TRPM1: variants seen among roughly 807,000 people sequenced by gnomAD.
TRPM1 encodes TRPM1-203 APA Isoform, Intron 10.
TRPM1 carries 113 observed loss-of-function variants against 149.4 expected under a neutral mutation model. The observed-to-expected ratio is 0.76, with a 90% CI of 0.65 to 0.88. The LOEUF is 0.88. Among genes scored for constraint, TRPM1 ranks in the 40% least tolerant of loss-of-function variants. TRPM1 has a pLI of 0.00. For synonymous variants in TRPM1, 741 were observed against 759.5 expected, an observed-to-expected ratio of 0.98 and a Z score of 0.40; for missense variants, 1,976 against 2,038.7, an observed-to-expected ratio of 0.97 and a Z score of 0.59.
At chr15:31,100,930 T>C (rs1160609771) in intron 1 of TRPM1, among the ~76,000 whole-genome samples, 1 of 152,182 alleles carries the variant, frequency 6.6e-6, no homozygotes, top group Non-Finnish European at 1.5e-5. Context: ...GATGGGTTCC[T>C]AGGTGTGGAC....
At chr15:31,138,478 A>C (rs2036119125) in intron 1 of TRPM1, among the ~76,000 whole-genome samples, 1 of 152,246 alleles carries the variant, frequency 6.6e-6, no homozygotes, top group South Asian at 2.1e-4. Context: ...GAATGAGCCC[A>C]GGAATAGAAA....
chr15:31,131,863 G>A (rs915814453), intron 1 of TRPM1, among the ~76,000 whole-genome samples: 20 of 150,794 alleles, frequency 1.3e-4, no homozygotes, highest in Non-Finnish European at 2.8e-4. Flanking sequence ...CTCTGTGAGT[G>A]TAGTTCCTAC....
Position 31,042,042 on chromosome 15 carries a change from C to A in TRPM1, c.1996G>T (p.Val666Leu). Residue 666 changes from valine to leucine, a missense_variant, in exon 17 of 28, where the codon GTG becomes TTG. Transcript: ENST00000256552. ...ATGGCCTTGTAGAGCTTGCAGGCCA[C>A]CAGGGCCTTGGCCATGCTCTCTTCC... is the stretch of plus-strand genomic sequence containing the variant. Reference protein sequence around the residue: ...RGEESMAKALVACKLYKAMAH... With the variant: ...RGEESMAKALLACKLYKAMAH... 6.2e-7 allele frequency: 1 copy of A among 1,614,192 alleles called. No homozygotes were observed. Among genetic ancestry groups the A allele is most frequent in the South Asian group, 1.1e-5 (1 of 91,078 alleles).
chr15:31,148,494 A>G (rs1672408), intron 1 of TRPM1, among the ~76,000 whole-genome samples: 79,543 of 152,052 alleles, frequency 0.52, 22,329 homozygotes, highest in African/African-American at 0.73. Flanking sequence ...ATTCTCCTCT[A>G]TGATGATGTG....
In TRPM1 at chr15:31,047,071, C is replaced by T. The variant is rs2033786759; in HGVS notation, c.1764+40G>A. The T allele has an allele frequency of 2.5e-6, 4 of 1,613,654 alleles. No individual in the cohort carries two copies. In the East Asian group the frequency reaches 8.9e-5, roughly 36 times the overall value. On this transcript the variant is annotated intron_variant, in intron 15 of 27. Coordinates refer to ENST00000256552, the MANE Select transcript of TRPM1 (RefSeq NM_001252024.2). ...AAAGCAAGCGAGGAACCACATGGTA[C>T]TCGCGAACCACAGAACACTACACAG...
At chr15:31,048,885 C>A (rs2033857357) in intron 13 of TRPM1, among the ~76,000 whole-genome samples, 1 of 152,074 alleles carries the variant, frequency 6.6e-6, no homozygotes, top group Admixed American at 6.6e-5. Flanking sequence ...TAAAATCTTA[C>A]AATAGGGAAG....
At position 31,087,544 on chromosome 15, in the gene TRPM1, A is replaced by G. The variant is rs556143641; in HGVS notation, c.-83-6106T>C. Among the ~76,000 whole-genome samples, 14 of 152,178 alleles carry G rather than the reference A, an allele frequency of 9.2e-5. No individual in the cohort carries two copies. The South Asian group carries it at 1.7e-3, about 18-fold the overall frequency. On this transcript the variant is annotated intron_variant, in intron 1 of 27. Coordinates refer to ENST00000256552, the MANE Select transcript of TRPM1 (RefSeq NM_001252024.2). The stretch of plus-strand genomic sequence containing the variant: ...GCTGGGATTGCAGGAGTGAGCCACC[A>G]TGCCCGGCCTCAATAGGGACTTTTA...
At chr15:31,152,668 G>A (rs371270863) in intron 1 of TRPM1, among the ~76,000 whole-genome samples, 1 of 152,092 alleles carries the variant, frequency 6.6e-6, no homozygotes, top group Admixed American at 6.5e-5. Context: ...TGTGAGACAG[G>A]GTCTGGCTCT....
chr15:31,042,394 T>C, intron 16 of TRPM1, 151 bp from the exon 17 acceptor site: 3 of 780,098 alleles, frequency 3.8e-6, no homozygotes, highest in Non-Finnish European at 2.1e-6. Flanking sequence ...TATGAATTCT[T>C]TTGAAAAGAT....
chr15:31,004,249 C>T (rs1043505285), intron 27 of TRPM1, among the ~76,000 whole-genome samples: 3 of 152,024 alleles, frequency 2.0e-5, no homozygotes, highest in Admixed American at 1.3e-4. Flanking sequence ...TATACATGTC[C>T]TCACTCGTAC....
intron 16 of TRPM1, among the ~76,000 whole-genome samples, chr15:31,044,929 A>G (rs1389193377): frequency 6.6e-6 from 1 of 152,184 alleles, no homozygotes; most frequent in Admixed American, 6.5e-5. Flanking sequence ...GAAACTATAA[A>G]TGACCAAAGT....
At chr15:31,149,735 G>A (rs2036272354) in intron 1 of TRPM1, among the ~76,000 whole-genome samples, 1 of 152,044 alleles carries the variant, frequency 6.6e-6, no homozygotes, top group South Asian at 2.1e-4. Flanking sequence ...TAGCCAGGAT[G>A]GTCTCGATCT....
chr15:31,159,396 G>T (rs1020962147), intron 1 of TRPM1, among the ~76,000 whole-genome samples: 1 of 152,154 alleles, frequency 6.6e-6, no homozygotes, highest in African/African-American at 2.4e-5. Context: ...CCAGCTTTGT[G>T]CTGGGGAGGA....
At chr15:31,081,464 G>A in intron 1 of TRPM1, 26 bp from the exon 2 acceptor site, 1 of 1,445,706 alleles carries the variant, frequency 6.9e-7, no homozygotes, top group Non-Finnish European at 9.3e-7. Context: ...AGAGGAGTAA[G>A]AGTCACTTTG....
chr15:31,002,186 G>A lies in TRPM1; in HGVS notation c.4514C>T (p.Thr1505Ile). 1 of 1,614,226 alleles carries A rather than the reference G, an allele frequency of 6.2e-7. No individual in the cohort carries two copies. The highest frequency in any genetic ancestry group is 8.5e-7 in the Non-Finnish European group (1 of 1,180,040). Residue 1505 changes from threonine (T) to isoleucine (I), a missense_variant, in exon 28 of 28, where the codon ACA becomes ATA. Physicochemically the swap from Thr to Ile is moderately conservative, Grantham distance 89 (BLOSUM62 -1). Around this residue, in one of 3 missense-constraint regions of TRPM1, gnomAD observed 572 missense variants for 578.9 expected, o/e 0.99. Coordinates refer to ENST00000256552, the MANE Select transcript of TRPM1 (RefSeq NM_001252024.2). ...QVQKITRSHS[T>I]DIPYIVSEAA... is the part of the protein sequence containing the mutation. ...TTCCGACACAATGTAAGGAATATCT[G>A]TGCTATGAGAGCGCGTGATCTTTTG...
chr15:31,012,426 C>T (rs530577453), intron 27 of TRPM1, among the ~76,000 whole-genome samples: 3 of 152,308 alleles, frequency 2.0e-5, no homozygotes, highest in South Asian at 2.1e-4. Context: ...AGCACATTGA[C>T]TATGTCATCC....
chr15:31,124,724 G>A (rs8039120), intron 1 of TRPM1, among the ~76,000 whole-genome samples: 73,740 of 150,088 alleles, frequency 0.49, 18,736 homozygotes, highest in Middle Eastern at 0.56. Flanking sequence ...TGGAAAGGGC[G>A]AAATTATAGA....
chr15:31,031,988 G>A (rs1035667153), intron 22 of TRPM1, among the ~76,000 whole-genome samples: 2 of 149,748 alleles, frequency 1.3e-5, no homozygotes, highest in Non-Finnish European at 3.0e-5. Flanking sequence ...CATGTTAGGA[G>A]GTTATAAATC....
At chr15:31,155,907 A>G (rs1477066105) in intron 1 of TRPM1, among the ~76,000 whole-genome samples, 2 of 152,150 alleles carry the variant, frequency 1.3e-5, no homozygotes, top group African/African-American at 4.8e-5. Context: ...CAGATAAAGA[A>G]GGAAATCGGC....
Sources: gnomAD v4.1 joint callset for allele counts (sites outside exome capture counted in the v4.1 genomes callset) on GRCh38, gnomAD v4.1.1 for gene constraint, gnomAD v4.1.1 regional missense constraint, MANE v1.5 for transcripts, NCBI Gene and HGNC (gene_info 2026-07-23, HGNC 2026-07-21) for gene names.